PHC2: variants seen among roughly 807,000 people sequenced by gnomAD.
PHC2 encodes the protein polyhomeotic-like protein 2.
A neutral mutation model predicts 87.4 loss-of-function variants in PHC2; 29 were observed. That is an observed-to-expected ratio of 0.33 (90% CI 0.25 to 0.45). The LOEUF (loss-of-function observed/expected upper bound fraction) is 0.45. Ranked by LOEUF, PHC2 falls within the 20% of genes least tolerant of loss-of-function variation. PHC2 has a pLI of 1.00. For synonymous variants in PHC2, 438 were observed against 461.7 expected, an observed-to-expected ratio of 0.95 and a Z score of 0.66; for missense variants, 857 against 1,136.7, an observed-to-expected ratio of 0.75 and a Z score of 3.54.
rs1181362092 is a variant in PHC2, at chr1:33,375,381, G to A, written c.159C>T (p.Asp53=). ...AGACTCTTACCTGCACGGTCTGCCG[G>A]TCTGGAATACCACTGTACACAGAAA... ...PQISVYSGIP[D]RQTVQVIQQA... The change falls in exon 2 of 15, where the codon GAC becomes GAT. Residue 53 remains aspartate, a synonymous_variant. Transcript: ENST00000683057. 1 of 1,588,454 alleles carries A rather than the reference G, an allele frequency of 6.3e-7. No homozygotes were observed. Among genetic ancestry groups the A allele is most frequent in the East Asian group, 2.3e-5 (1 of 43,742 alleles).
chr1:33,372,364 G>T lies in PHC2; in HGVS notation c.258C>A (p.Leu86=). ...GCTGGAGCGCCGCGGTCTGCAGCAT[G>T]AGGTGCTGCTGCTGGGCGGCGTACA... is the stretch of plus-strand genomic sequence containing the variant. ...QQMYAAQQQH[L]MLQTAALQQQ... is the part of the protein sequence containing the mutation. Residue 86 remains leucine (L), a synonymous_variant, in exon 3 of 15, where the codon CTC becomes CTA. Coordinates refer to ENST00000683057, the MANE Select transcript of PHC2 (RefSeq NM_001385109.1). 6.2e-7 allele frequency: 1 copy of T among 1,607,340 alleles called. No homozygotes were observed. The highest frequency in any genetic ancestry group is 1.1e-5 in the South Asian group (1 of 90,330).
At chr1:33,384,000 T>A (rs1480120208) in intron 1 of PHC2, among the ~76,000 whole-genome samples, 2 of 152,170 alleles carry the variant, frequency 1.3e-5, no homozygotes. Context: ...ACCCAGTTTG[T>A]GGTAATTTGT....
In PHC2 at chr1:33,422,646, C is replaced by A. The variant is rs1650475865; in HGVS notation, c.-55+8330G>T. Among the ~76,000 whole-genome samples, 3 of 152,320 alleles carry A rather than the reference C, an allele frequency of 2.0e-5. No homozygotes were observed. The East Asian group carries it at 5.8e-4, about 29-fold the overall frequency. ...TTCTAATACTCTGCCTTTGAGAAAG[C>A]AATTTCATTTTCACGGGCTTTAGTG... On this transcript the variant is annotated intron_variant, in intron 1 of 14. Transcript: ENST00000683057.
intron 1 of PHC2, among the ~76,000 whole-genome samples, chr1:33,393,122 A>C (rs1466817990): frequency 2.0e-5 from 3 of 152,208 alleles, no homozygotes; most frequent in South Asian, 2.1e-4. Flanking sequence ...ACTTGAAAAG[A>C]AGCTCATTAG....
chr1:33,355,270 C>T lies in PHC2; in HGVS notation c.977-17G>A. ...GAGCATAGGCTGAAAGGGGAAAGGC[C>T]AGGTTAGAGAGCATGGCTTGACCTT... On this transcript the variant is annotated splice_polypyrimidine_tract_variant and intron_variant, in intron 7 of 14. Transcript: ENST00000683057. The T allele has an allele frequency of 6.5e-7, 1 of 1,541,990 alleles. No homozygotes were observed.
At chr1:33,397,290 G>A (rs12564186) in intron 1 of PHC2, among the ~76,000 whole-genome samples, 14,900 of 152,126 alleles carry the variant, frequency 0.098, 1,041 homozygotes, top group East Asian at 0.28. Context: ...GCTTAGTCCC[G>A]GGAACAGGTC....
chr1:33,332,306 AGTG>A lies in PHC2; in HGVS notation c.1857_1859del (p.Thr620del). On this transcript the variant is annotated inframe_deletion, in exon 11 of 15. Transcript: ENST00000683057. The surrounding 1 kb of genome is among the most constrained non-coding windows in gnomAD (Gnocchi z 4.2). ...GATAGGGCTCCTCCATCTCCGAGTC[AGTG>A]GTGGTGGTGTGATCCTGCTGTGGAA... 1 of 1,614,128 alleles carries A rather than the reference AGTG, an allele frequency of 6.2e-7. No individual in the cohort carries two copies. The highest frequency in any genetic ancestry group is 8.5e-7 in the Non-Finnish European group (1 of 1,180,010).
In PHC2 at chr1:33,371,073, G is replaced by A. The variant is rs1361283752; in HGVS notation, c.355C>T (p.Gln119Ter). The stretch of plus-strand genomic sequence containing the variant: ...ACATTGCTGCCTGAAGTGCTTCCTT[G>A]TCTATTGGATACCAGGCTTGCCTAG... ...VQQASLVSNRQGSTSGSNVSA... is the reference protein window; with the variant it reads ...VQQASLVSNR The change falls in exon 4 of 15, where the codon CAA becomes TAA. Residue 119 changes from glutamine (Q) to a stop codon, truncating the protein, a stop_gained. Transcript: ENST00000683057. LOFTEE classifies it high-confidence loss of function. 1 of 1,613,974 alleles carries A rather than the reference G, an allele frequency of 6.2e-7. No individual in the cohort carries two copies. Among genetic ancestry groups the A allele is most frequent in the Non-Finnish European group, 8.5e-7 (1 of 1,179,926 alleles).
At chr1:33,389,396 G>A (rs772425259) in intron 1 of PHC2, among the ~76,000 whole-genome samples, 1 of 152,162 alleles carries the variant, frequency 6.6e-6, no homozygotes, top group Non-Finnish European at 1.5e-5. Flanking sequence ...TTATAAACAG[G>A]AGTATAACTT....
intron 1 of PHC2, among the ~76,000 whole-genome samples, chr1:33,390,825 T>A (rs1161707405): frequency 6.6e-6 from 1 of 152,196 alleles, no homozygotes; most frequent in African/African-American, 2.4e-5. Context: ...ATTCTTAGTT[T>A]GAGGGACTTA....
intron 1 of PHC2, among the ~76,000 whole-genome samples, chr1:33,425,554 C>T (rs149244730): frequency 1.7e-3 from 263 of 152,184 alleles, no homozygotes; most frequent in Middle Eastern, 3.4e-3. Context: ...TGCTGAAGTA[C>T]GAAGAAATAT....
At chr1:33,427,046 A>T (rs374219590) in intron 1 of PHC2, among the ~76,000 whole-genome samples, 1 of 152,226 alleles carries the variant, frequency 6.6e-6, no homozygotes, top group African/African-American at 2.4e-5. Context: ...GAGACAGTAT[A>T]GCATGATCCT....
At chr1:33,386,619 C>T (rs1406806970) in intron 1 of PHC2, among the ~76,000 whole-genome samples, 2 of 152,168 alleles carry the variant, frequency 1.3e-5, no homozygotes, top group African/African-American at 2.4e-5. Flanking sequence ...TGCTTGAGCA[C>T]AGGAGTTCAT....
chr1:33,423,953 C>T (rs920377375), intron 1 of PHC2, among the ~76,000 whole-genome samples: 24 of 151,910 alleles, frequency 1.6e-4, no homozygotes, highest in Non-Finnish European at 1.3e-4. Flanking sequence ...AAAAATTAGC[C>T]GGGCATGGTG....
chr1:33,403,362 T>C (rs902780709), intron 1 of PHC2, among the ~76,000 whole-genome samples: 2 of 151,706 alleles, frequency 1.3e-5, no homozygotes, highest in African/African-American at 4.8e-5. Context: ...CTTGACCTCG[T>C]GATCCACCCG....
intron 9 of PHC2, among the ~76,000 whole-genome samples, chr1:33,338,846 T>TG (rs367697801): frequency 5.4e-4 from 82 of 151,500 alleles, no homozygotes; most frequent in African/African-American, 1.9e-3. Flanking sequence ...TGGGAGAGGC[T>TG]GGGGGAGGGG....
At chr1:33,384,681 C>T (rs1648654536) in intron 1 of PHC2, among the ~76,000 whole-genome samples, 1 of 152,208 alleles carries the variant, frequency 6.6e-6, no homozygotes, top group South Asian at 2.1e-4. Flanking sequence ...AGCGCATTCA[C>T]CCTTTGCAGT....
chr1:33,364,422 A>ACACG lies in PHC2; in HGVS notation c.976+2690_976+2693dup, dbSNP rs1553186457. Reference sequence around the variant, plus strand: ...CACACACACACACACACACACACACACACGCTCAAGCACGCTCTTCTCTCC... The same window carrying ACACG: ...CACACACACACACACACACACACACACACGCACGCTCAAGCACGCTCTTCTCTCC... On this transcript the variant is annotated intron_variant, in intron 7 of 14. Transcript: ENST00000683057. The surrounding 1 kb of genome is among the most constrained non-coding windows in gnomAD (Gnocchi z 4.1). Among the ~76,000 whole-genome samples the ACACG allele has an allele frequency of 2.8e-3, 416 of 149,738 alleles. 7 individuals carry two copies. The highest frequency in any genetic ancestry group is 6.9e-3 in the African/African-American group (284 of 40,994).
At position 33,330,161 on chromosome 1, in the gene PHC2, G is replaced by A; in HGVS notation, c.2058C>T (p.Ser686=). 6.2e-7 allele frequency: 1 copy of A among 1,614,228 alleles called. No homozygotes were observed. The highest frequency in any genetic ancestry group is 8.5e-7 in the Non-Finnish European group (1 of 1,180,030). ...TCGCAGCTCCTGCCTTCTGCAGCTTGCTCCGGTCTGAGTGGAAAAGTCCCA... is the reference window on the plus strand; with the variant it reads ...TCGCAGCTCCTGCCTTCTGCAGCTTACTCCGGTCTGAGTGGAAAAGTCCCA... The part of the protein sequence containing the change: ...KRVGLFHSDR[S]KLQKAGAATH... The change falls in exon 13 of 15, where the codon AGC becomes AGT. Residue 686 remains serine, a synonymous_variant. Transcript: ENST00000683057.
Sources: gnomAD v4.1 joint callset for allele counts (sites outside exome capture counted in the v4.1 genomes callset) on GRCh38, gnomAD v4.1.1 for gene constraint, Gnocchi (gnomAD v3.1) non-coding constraint, MANE v1.5 for transcripts, NCBI Gene and HGNC (gene_info 2026-07-23, HGNC 2026-07-21) for gene names.